The following ECE1 variants were observed in gnomAD, a reference collection of about 807,000 sequenced individuals.
ECE1 encodes endothelin converting enzyme 1.
Under a neutral mutation model 98.6 loss-of-function variants are expected in ECE1, and 35 were observed. That is an observed-to-expected ratio of 0.35 (90% CI 0.27 to 0.47). The LOEUF is 0.47. ECE1 is among the 20% of genes least tolerant of loss of function. The pLI is 1.00. For missense variants in ECE1, 814 were observed against 1,025.3 expected (o/e 0.79, Z 2.81); for synonymous variants, 394 against 407.1 (o/e 0.97, Z 0.39).
intron 10 of ECE1, 76 bp from the exon 11 acceptor site, chr1:21,238,320 AC>A: frequency 1.7e-6 from 2 of 1,146,586 alleles, no homozygotes; most frequent in Non-Finnish European, 1.3e-6. Flanking sequence ...GGGAGGTAGC[AC>A]CATGTGGGGC....
At chr1:21,292,157 GTAAA>G (rs953942062), upstream of ECE1, among the ~76,000 whole-genome samples, 1 of 151,802 alleles carries the variant, frequency 6.6e-6, no homozygotes, top group Non-Finnish European at 1.5e-5. Context: ...TCTTGTCTGA[GTAAA>G]TAAATAAAAT....
chr1:21,244,190 T>C (rs3026893), intron 10 of ECE1, among the ~76,000 whole-genome samples: 8,209 of 152,228 alleles, frequency 0.054, 302 homozygotes, highest in Non-Finnish European at 0.081. Flanking sequence ...CAGCCTCTAC[T>C]GCTCTGTAGC....
chr1:21,223,296 T>C (rs1558363792), intron 17 of ECE1, among the ~76,000 whole-genome samples: 1 of 151,244 alleles, frequency 6.6e-6, no homozygotes, highest in Non-Finnish European at 1.5e-5. Context: ...TTTTTATTTA[T>C]TTATTTTTTT....
chr1:21,230,306 C>T (rs533493976), intron 14 of ECE1, among the ~76,000 whole-genome samples: 18 of 152,266 alleles, frequency 1.2e-4, no homozygotes, highest in African/African-American at 4.1e-4. Flanking sequence ...GAAGAACGTG[C>T]ACAAGTACCA....
chr1:21,255,252 T>G (rs1430973789), intron 8 of ECE1, among the ~76,000 whole-genome samples: 1 of 152,138 alleles, frequency 6.6e-6, no homozygotes, highest in Admixed American at 6.5e-5. Context: ...GGCCACGCAT[T>G]CCTGGGTGAT....
intron 1 of ECE1, among the ~76,000 whole-genome samples, chr1:21,318,908 G>A (rs377326764): frequency 9.2e-5 from 14 of 152,344 alleles, no homozygotes; most frequent in Admixed American, 5.2e-4. Context: ...GAAATGTGAC[G>A]TCAGCAGAGG....
chr1:21,251,836 T>C (rs1170610244), intron 8 of ECE1, among the ~76,000 whole-genome samples: 1 of 152,194 alleles, frequency 6.6e-6, no homozygotes, highest in African/African-American at 2.4e-5. Flanking sequence ...GTGCCTCTTA[T>C]ACCTGCTTGC....
intron 1 of ECE1, among the ~76,000 whole-genome samples, chr1:21,306,832 C>T (rs182947160): frequency 6.6e-6 from 1 of 152,300 alleles, no homozygotes; most frequent in African/African-American, 2.4e-5. Flanking sequence ...GCTCAAGCCT[C>T]TGGGGAGGAG....
chr1:21,237,892 A>G (rs1473515414), intron 11 of ECE1, among the ~76,000 whole-genome samples: 1 of 152,228 alleles, frequency 6.6e-6, no homozygotes, highest in Non-Finnish European at 1.5e-5. Context: ...ACAGCCTTGC[A>G]GGCTGCTGGG....
At chr1:21,287,188 A>G (rs1389013918) in intron 2 of ECE1, among the ~76,000 whole-genome samples, 4 of 152,222 alleles carry the variant, frequency 2.6e-5, no homozygotes, top group African/African-American at 9.6e-5. Context: ...CTGTCCATCA[A>G]GAGAAAAGAT....
intron 10 of ECE1, among the ~76,000 whole-genome samples, chr1:21,240,815 G>A (rs912627830): frequency 1.2e-4 from 18 of 152,242 alleles, no homozygotes; most frequent in African/African-American, 4.1e-4. Context: ...GGAGGCTCCA[G>A]GCTGTGAGGG....
intron 1 of ECE1, among the ~76,000 whole-genome samples, chr1:21,316,417 C>T (rs143513373): frequency 0.041 from 6,231 of 152,034 alleles, 434 homozygotes; most frequent in African/African-American, 0.14. Context: ...TACAGGCGTG[C>T]GCCACCACAC....
chr1:21,302,335 T>G (rs1638503527), intron 1 of ECE1, among the ~76,000 whole-genome samples: 1 of 152,212 alleles, frequency 6.6e-6, no homozygotes, highest in South Asian at 2.1e-4. Context: ...CACATCACTC[T>G]TTTTAATCCT....
intron 4 of ECE1, among the ~76,000 whole-genome samples, chr1:21,262,480 C>G (rs542050961): frequency 5.1e-4 from 78 of 152,302 alleles, no homozygotes; most frequent in African/African-American, 1.8e-3. Flanking sequence ...TCATTGCTCC[C>G]CAGGCCTCAG....
At chr1:21,268,398 C>A in intron 4 of ECE1, among the ~76,000 whole-genome samples, 1 of 152,244 alleles carries the variant, frequency 6.6e-6, no homozygotes, top group East Asian at 1.9e-4. Flanking sequence ...ATCTGTGTGT[C>A]CTGCAGCTGA....
chr1:21,314,399 G>A (rs1638791349), intron 1 of ECE1, among the ~76,000 whole-genome samples: 1 of 152,162 alleles, frequency 6.6e-6, no homozygotes, highest in South Asian at 2.1e-4. Context: ...TCCAGGGCTT[G>A]GCTCAGTTCA....
chr1:21,235,957 C>G lies in ECE1; in HGVS notation c.1489-30G>C. 6.2e-7 allele frequency: 1 copy of G among 1,607,046 alleles called. No homozygotes were observed. The highest frequency in any genetic ancestry group is 8.5e-7 in the Non-Finnish European group (1 of 1,173,596). On this transcript the variant is annotated intron_variant, in intron 12 of 18. Coordinates refer to ENST00000374893, the MANE Select transcript of ECE1 (RefSeq NM_001397.3). The surrounding 1 kb of genome is among the most constrained non-coding windows in gnomAD (Gnocchi z 4.2). ...ACAGGACAGACAGAGGAAGTGAGTG[C>G]CCGGCAACATCGACCAGGCCAGCCT...
At chr1:21,316,708 A>G (rs1638839592) in intron 1 of ECE1, among the ~76,000 whole-genome samples, 1 of 152,220 alleles carries the variant, frequency 6.6e-6, no homozygotes, top group Non-Finnish European at 1.5e-5. Context: ...ATGCCCATCT[A>G]TAGGAGCCTG....
rs1411395328 is a variant in ECE1 at position 21,233,843 on chromosome 1, G to C, written c.1567-182C>G. Among the ~76,000 whole-genome samples, 2 of 152,106 alleles carry C rather than the reference G, an allele frequency of 1.3e-5. No individual in the cohort carries two copies. The highest frequency in any genetic ancestry group is 1.5e-5 in the Non-Finnish European group (1 of 68,004). ...TTCACCCTGGGGCACGAGATGGAATGACACCGTTGCAGGATGTGCCTACAG... is the reference window on the plus strand; with the variant it reads ...TTCACCCTGGGGCACGAGATGGAATCACACCGTTGCAGGATGTGCCTACAG... On this transcript the variant is annotated intron_variant, in intron 13 of 18. Transcript: ENST00000374893. This position sits in a 1 kb window ranked among gnomAD's most constrained non-coding sequence, Gnocchi z 4.0.
Sources: allele counts gnomAD v4.1 joint callset (sites outside exome capture counted in the v4.1 genomes callset), GRCh38; gene constraint gnomAD v4.1.1; non-coding constraint Gnocchi (gnomAD v3.1); transcripts MANE v1.5; gene names NCBI Gene and HGNC (gene_info 2026-07-23, HGNC 2026-07-21).